The following MECOM variants were observed in gnomAD, a reference collection of about 807,000 sequenced individuals.
The protein encoded by MECOM is histone-lysine N-methyltransferase MECOM.
A neutral mutation model predicts 116.3 loss-of-function variants in MECOM; 13 were observed. The observed-to-expected ratio is 0.11, with a 90% confidence interval of 0.07 to 0.18. The LOEUF is 0.18. Among genes scored for constraint, MECOM ranks in the 10% least tolerant of loss-of-function variants. The probability of loss-of-function intolerance (pLI) is 1.00; values close to 1 mark genes in which losing one functional copy is unlikely to be tolerated. For missense variants in MECOM, 1,299 were observed against 1,509.0 expected (o/e 0.86, Z 2.31); for synonymous variants, 528 against 535.2 (o/e 0.99, Z 0.19).
intron 1 of MECOM, among the ~76,000 whole-genome samples, chr3:169,599,197 G>A (rs1033249076): frequency 1.2e-4 from 19 of 152,080 alleles, no homozygotes; most frequent in South Asian, 4.2e-4. Context: ...ACGCATTAAC[G>A]TGAGCCACAG....
intron 3 of MECOM, chr3:169,134,088 A>T (rs1161210265): frequency 9.6e-6 from 4 of 417,704 alleles, no homozygotes; most frequent in Non-Finnish European, 1.7e-5. Context: ...GGGGAATACT[A>T]CTTAGACACA....
At chr3:169,469,040 A>C (rs951675634) in intron 1 of MECOM, among the ~76,000 whole-genome samples, 1 of 152,186 alleles carries the variant, frequency 6.6e-6, no homozygotes, top group African/African-American at 2.4e-5. Context: ...GCCTAGAAAA[A>C]TTAATATTCT....
chr3:169,268,967 A>G (rs1758618091), intron 2 of MECOM, among the ~76,000 whole-genome samples: 1 of 152,208 alleles, frequency 6.6e-6, no homozygotes, highest in South Asian at 2.1e-4. Context: ...AACAGCAGCA[A>G]GTCCAGCCTA....
chr3:169,281,645 T>C (rs1476894877), intron 2 of MECOM, among the ~76,000 whole-genome samples: 1 of 152,036 alleles, frequency 6.6e-6, no homozygotes, highest in Non-Finnish European at 1.5e-5. Context: ...ACCCCATCTC[T>C]ATAAAAAATT....
intron 1 of MECOM, among the ~76,000 whole-genome samples, chr3:169,451,342 T>C (rs1392380673): frequency 1.3e-5 from 2 of 151,822 alleles, no homozygotes; most frequent in Non-Finnish European, 2.9e-5. Context: ...GTCTTATACA[T>C]AAAAAGAACT....
intron 2 of MECOM, among the ~76,000 whole-genome samples, chr3:169,240,088 G>A (rs1317194992): frequency 6.6e-6 from 1 of 152,132 alleles, no homozygotes; most frequent in Non-Finnish European, 1.5e-5. Flanking sequence ...GTGTAGTTTA[G>A]GAAATTCGAC....
At position 169,121,394 on chromosome 3, in the gene MECOM, T is replaced by C. The variant is rs1186997700; in HGVS notation, c.979-185A>G. On this transcript the variant is annotated intron_variant, in intron 6 of 16. Transcript: ENST00000651503. Reference sequence around the variant, plus strand: ...CTCTAGGGTAGGAACTGTAAATTATTCTGCTCTATATCCTTAGCATGGTGT... The same window carrying C: ...CTCTAGGGTAGGAACTGTAAATTATCCTGCTCTATATCCTTAGCATGGTGT... Among the ~76,000 whole-genome samples, 4 of 152,240 alleles carry C rather than the reference T, an allele frequency of 2.6e-5. No individual in the cohort carries two copies. The East Asian group carries it at 7.7e-4, about 29-fold the overall frequency.
intron 1 of MECOM, among the ~76,000 whole-genome samples, chr3:169,549,571 G>A (rs1378275256): frequency 1.3e-5 from 2 of 152,124 alleles, no homozygotes; most frequent in Non-Finnish European, 2.9e-5. Flanking sequence ...TGTTCTGGGG[G>A]ATAAACCACA....
chr3:169,100,462 A>C (rs557596191), intron 12 of MECOM, among the ~76,000 whole-genome samples: 4 of 150,920 alleles, frequency 2.7e-5, no homozygotes, highest in East Asian at 3.9e-4. Context: ...TGCTGGGGGA[A>C]AAAAAGTACA....
chr3:169,570,454 A>G (rs752897815), intron 1 of MECOM, among the ~76,000 whole-genome samples: 6 of 152,168 alleles, frequency 3.9e-5, no homozygotes, highest in African/African-American at 1.4e-4. Context: ...ATTCCAAACA[A>G]TGGAAAAAGA....
At chr3:169,275,400 T>C (rs1759452055) in intron 2 of MECOM, among the ~76,000 whole-genome samples, 1 of 152,186 alleles carries the variant, frequency 6.6e-6, no homozygotes, top group African/African-American at 2.4e-5. Context: ...TATTTAGGAT[T>C]GAAATGGTTA....
At position 169,378,503 on chromosome 3, in the gene MECOM, A is replaced by G. The variant is rs1464685302; in HGVS notation, c.375+2684T>C. ...AAAGAGAGAGAGAAAGAAAGAAAGA[A>G]AGAAAGAAAGAAAAGAAAGAAAGAA... On this transcript the variant is annotated intron_variant, in intron 2 of 16. Transcript: ENST00000651503. Among the ~76,000 whole-genome samples, 53 of 33,122 alleles carry G rather than the reference A, an allele frequency of 1.6e-3. 11 individuals carry two copies. The highest frequency in any genetic ancestry group is 7.2e-3 in the African/African-American group (43 of 5,984). The allele number at this position is 33,122 out of a possible 152,430, so 21.7% of individuals were successfully genotyped here. A position where few individuals can be genotyped will look rare whatever the true frequency, so the allele number is the denominator to read the frequency against.
chr3:169,313,754 G>T lies in MECOM; in HGVS notation c.375+67433C>A, dbSNP rs961461756. Among the ~76,000 whole-genome samples the T allele has an allele frequency of 2.6e-5, 4 of 152,174 alleles. No individual in the cohort carries two copies. The East Asian group carries it at 7.7e-4, about 29-fold the overall frequency. The stretch of plus-strand genomic sequence containing the variant: ...AGGTAAATAGAAGAAGGTATAAAAT[G>T]GTTCTTTAAGAGAGGTGCAGAGGAA... On this transcript the variant is annotated intron_variant, in intron 2 of 16. Coordinates refer to ENST00000651503, the MANE Select transcript of MECOM (RefSeq NM_004991.4).
intron 1 of MECOM, among the ~76,000 whole-genome samples, chr3:169,396,290 C>T (rs905273696): frequency 3.3e-5 from 5 of 152,144 alleles, no homozygotes; most frequent in Non-Finnish European, 7.4e-5. Flanking sequence ...AGAAAATTCT[C>T]TTAATGTATT....
At chr3:169,212,278 A>C (rs1316195309) in intron 2 of MECOM, among the ~76,000 whole-genome samples, 2 of 152,048 alleles carry the variant, frequency 1.3e-5, no homozygotes, top group African/African-American at 2.4e-5. Context: ...TGATCATTAG[A>C]CAACATAAAT....
intron 1 of MECOM, among the ~76,000 whole-genome samples, chr3:169,634,523 A>C (rs905896813): frequency 2.0e-5 from 3 of 152,212 alleles, no homozygotes; most frequent in Non-Finnish European, 4.4e-5. Context: ...GTAAGGGTGA[A>C]GAGGGGCAAA....
chr3:169,426,448 T>C (rs1224243904), intron 1 of MECOM, among the ~76,000 whole-genome samples: 1 of 152,176 alleles, frequency 6.6e-6, no homozygotes, highest in Non-Finnish European at 1.5e-5. Flanking sequence ...TGCTCAGGCA[T>C]GTCACCAGGA....
intron 2 of MECOM, among the ~76,000 whole-genome samples, chr3:169,321,309 A>C (rs1720812625): frequency 6.6e-6 from 1 of 152,220 alleles, no homozygotes; most frequent in Non-Finnish European, 1.5e-5. Context: ...TGGGAGGCCA[A>C]GGCAGGTGGA....
chr3:169,341,894 C>T (rs1724607713), intron 2 of MECOM, among the ~76,000 whole-genome samples: 1 of 152,058 alleles, frequency 6.6e-6, no homozygotes. Context: ...ATGGACACCC[C>T]ATTCTCCATG....
Sources: gnomAD v4.1 joint callset for allele counts (sites outside exome capture counted in the v4.1 genomes callset) on GRCh38, gnomAD v4.1.1 for gene constraint, MANE v1.5 for transcripts, NCBI Gene and HGNC (gene_info 2026-07-23, HGNC 2026-07-21) for gene names.